Variants in PTPRN2 observed in about 807,000 individuals in gnomAD.
The protein encoded by PTPRN2 is receptor-type tyrosine-protein phosphatase N2.
Under a neutral mutation model 118.8 loss-of-function variants are expected in PTPRN2, and 74 were observed. The observed-to-expected ratio is 0.62, with a 90% CI of 0.52 to 0.76. PTPRN2 has a LOEUF of 0.76. PTPRN2 is among the 30% of genes least tolerant of loss of function. The pLI, the probability that PTPRN2 is intolerant of heterozygous loss-of-function variation, is 0.00. For synonymous variants in PTPRN2, 641 were observed against 608.0 expected (o/e 1.05, Z -0.80); for missense variants, 1,481 against 1,394.4 (o/e 1.06, Z -0.99).
At chr7:158,172,373 T>C (rs796356605) in intron 5 of PTPRN2, among the ~76,000 whole-genome samples, 8 of 152,248 alleles carry the variant, frequency 5.3e-5, no homozygotes, top group African/African-American at 1.9e-4. Flanking sequence ...TAAATGGCAG[T>C]CATCAGCAGT....
At chr7:157,696,215 C>T (rs767828655) in intron 12 of PTPRN2, among the ~76,000 whole-genome samples, 3 of 125,938 alleles carry the variant, frequency 2.4e-5, no homozygotes, top group East Asian at 2.6e-4. Context: ...TGGGTCTTGG[C>T]AGAGCCCTCA....
intron 11 of PTPRN2, among the ~76,000 whole-genome samples, chr7:157,920,404 T>C (rs1183133749): frequency 2.6e-5 from 4 of 152,158 alleles, no homozygotes; most frequent in Non-Finnish European, 5.9e-5. Context: ...CAGTTCACAG[T>C]TTACAAGGAC....
chr7:157,603,871 C>T lies in PTPRN2; in HGVS notation c.2418+131G>A, dbSNP rs41268944. On this transcript the variant is annotated intron_variant, in intron 16 of 22. Transcript: ENST00000389418. The surrounding 1 kb of genome is among the most constrained non-coding windows in gnomAD (Gnocchi z 5.4). ...GTGGCGGGAGCCCAATGGGCAGAGT[C>T]GGCCCTGTCCACCGCAGAGACGCTG... 7.9e-3 allele frequency: 6,613 copies of T among 835,420 alleles called. 43 individuals carry two copies. The highest frequency in any genetic ancestry group is 0.01 in the Non-Finnish European group (5,519 of 536,132). 51.8% of individuals were successfully genotyped at this position (835,420 alleles called of 1,614,324 possible). A position where few individuals can be genotyped will look rare whatever the true frequency, so the allele number is the denominator to read the frequency against.
intron 2 of PTPRN2, among the ~76,000 whole-genome samples, chr7:158,394,719 C>A (rs114858712): frequency 0.024 from 3,610 of 152,352 alleles, 139 homozygotes; most frequent in African/African-American, 0.081. Flanking sequence ...TTCCAGCATT[C>A]AGGACGGGGC....
chr7:158,315,288 G>A (rs112569180), intron 3 of PTPRN2, among the ~76,000 whole-genome samples: 1,855 of 26,240 alleles, frequency 0.071, 1 homozygote, highest in African/African-American at 0.093. Context: ...AGGTGAACCC[G>A]GGACCCCCTG....
In PTPRN2 at chr7:158,205,290, C is replaced by T. The variant is rs976990054; in HGVS notation, c.278-17G>A. ...ACGTGAAACCTGTGGACAAAAATTG[C>T]AAAAATTATGTCATCATTTTGGAAA... On this transcript the variant is annotated splice_polypyrimidine_tract_variant and intron_variant, in intron 3 of 22. Transcript: ENST00000389418. 20 of 1,594,028 alleles carry T rather than the reference C, an allele frequency of 1.3e-5. No homozygotes were observed. The highest frequency in any genetic ancestry group is 1.7e-5 in the Non-Finnish European group (20 of 1,163,446).
intron 5 of PTPRN2, among the ~76,000 whole-genome samples, chr7:158,187,951 GC>G (rs1825307201): frequency 6.6e-6 from 1 of 152,142 alleles, no homozygotes; most frequent in Non-Finnish European, 1.5e-5. Context: ...CATGACCGGT[GC>G]CCACGCCCCT....
chr7:158,273,985 C>A (rs1798747224), intron 3 of PTPRN2, among the ~76,000 whole-genome samples: 2 of 96,618 alleles, frequency 2.1e-5, no homozygotes, highest in Non-Finnish European at 4.2e-5. Context: ...GCCGCAGACA[C>A]AGGGAGCCGC....
intron 6 of PTPRN2, among the ~76,000 whole-genome samples, chr7:158,149,229 A>G (rs1193609092): frequency 2.0e-5 from 3 of 151,188 alleles, no homozygotes. Context: ...CTGCTCTCCA[A>G]GCTGGCACCA....
chr7:158,377,109 G>GCAC (rs1459701435), intron 2 of PTPRN2, among the ~76,000 whole-genome samples: 6 of 13,160 alleles, frequency 4.6e-4, no homozygotes, highest in African/African-American at 2.3e-3. Context: ...CGTCCTGAGA[G>GCAC]GGGGGTCAGG....
rs891812555 is a variant in PTPRN2 at position 157,794,374 on chromosome 7, G to T, written c.1788+104299C>A. ...TGCACTTCCGGTTCTGCGTCTGGCC[G>T]GCCTACGGGCACTCGGGCAGTGCGG... is the stretch of plus-strand genomic sequence containing the variant. On this transcript the variant is annotated intron_variant, in intron 12 of 22. Coordinates refer to ENST00000389418, the MANE Select transcript of PTPRN2 (RefSeq NM_002847.5). The surrounding 1 kb of genome is among the most constrained non-coding windows in gnomAD (Gnocchi z 5.2). 6.6e-6 allele frequency among the ~76,000 whole-genome samples: 1 copy of T among 152,148 alleles called. No homozygotes were observed. Among genetic ancestry groups the T allele is most frequent in the African/African-American group, 2.4e-5 (1 of 41,414 alleles).
At chr7:158,431,841 G>GAGGTGGTGCTGTGCC (rs1816229200) in intron 2 of PTPRN2, among the ~76,000 whole-genome samples, 1 of 152,214 alleles carries the variant, frequency 6.6e-6, no homozygotes, top group Non-Finnish European at 1.5e-5. Flanking sequence ...CCACCCACCC[G>GAGGTGGTGCTGTGCC]AGGGACAGGC....
At chr7:157,738,264 C>A (rs1008519855) in intron 12 of PTPRN2, among the ~76,000 whole-genome samples, 1 of 152,146 alleles carries the variant, frequency 6.6e-6, no homozygotes, top group African/African-American at 2.4e-5. Flanking sequence ...ACATTCCTGG[C>A]GTCTGAATTC....
chr7:158,556,560 A>C (rs1347517108), intron 1 of PTPRN2, among the ~76,000 whole-genome samples: 1 of 152,222 alleles, frequency 6.6e-6, no homozygotes, highest in East Asian at 1.9e-4. Flanking sequence ...TTCAAAAAAA[A>C]AAAAAAAGAT....
intron 1 of PTPRN2, among the ~76,000 whole-genome samples, chr7:158,528,622 T>C (rs1380846187): frequency 6.9e-6 from 1 of 145,254 alleles, no homozygotes; most frequent in Non-Finnish European, 1.5e-5. Flanking sequence ...CCGTCTCTAC[T>C]AAAAATACAA....
At chr7:158,270,845 C>T (rs1231994128) in intron 3 of PTPRN2, among the ~76,000 whole-genome samples, 2 of 44,948 alleles carry the variant, frequency 4.4e-5, no homozygotes, top group African/African-American at 3.0e-4. Context: ...ACCCCCTCAC[C>T]TGGACCGCCC....
At chr7:157,885,778 T>C (rs1332495135) in intron 12 of PTPRN2, among the ~76,000 whole-genome samples, 1 of 152,204 alleles carries the variant, frequency 6.6e-6, no homozygotes, top group Non-Finnish European at 1.5e-5. Flanking sequence ...TGGGGCTCAG[T>C]GTAGGGAGTG....
intron 4 of PTPRN2, among the ~76,000 whole-genome samples, chr7:158,204,946 C>T (rs1172534196): frequency 6.6e-6 from 1 of 152,122 alleles, no homozygotes; most frequent in Non-Finnish European, 1.5e-5. Flanking sequence ...CATGGAAAAA[C>T]GAAGAACCCC....
At chr7:157,665,029 TG>T (rs1213629710) in intron 13 of PTPRN2, among the ~76,000 whole-genome samples, 1 of 152,126 alleles carries the variant, frequency 6.6e-6, no homozygotes, top group East Asian at 1.9e-4. Flanking sequence ...TAACCGGCAG[TG>T]GTGCCAAGCA....
Sources: gnomAD v4.1 joint callset for allele counts (sites outside exome capture counted in the v4.1 genomes callset) on GRCh38, gnomAD v4.1.1 for gene constraint, Gnocchi (gnomAD v3.1) non-coding constraint, MANE v1.5 for transcripts, NCBI Gene and HGNC (gene_info 2026-07-23, HGNC 2026-07-21) for gene names.